FOXK1: variants seen among roughly 807,000 people sequenced by gnomAD.
The protein encoded by FOXK1 is forkhead box K1, also known as forkhead box protein K1.
FOXK1 carries 19 observed loss-of-function variants against 51.9 expected under a neutral mutation model. The ratio of observed to expected loss-of-function variants is 0.37; its 90% CI spans 0.26 to 0.54. The LOEUF is 0.54. Among genes scored for constraint, FOXK1 ranks in the 20% least tolerant of loss-of-function variants. The pLI is 0.87. For synonymous variants in FOXK1, 537 were observed against 482.6 expected (o/e 1.11, Z -1.48); for missense variants, 870 against 1,032.7 (o/e 0.84, Z 2.16).
Position 4,743,142 on chromosome 7 carries a change from C to T in FOXK1, c.746+2119C>T, listed in dbSNP as rs146145431. On this transcript the variant is annotated intron_variant, in intron 2 of 8. Transcript: ENST00000328914. This position sits in a 1 kb window ranked among gnomAD's most constrained non-coding sequence, Gnocchi z 5.3. ...AGAGCCTGGTGTGTGCCCGCCTGGC[C>T]CTGTGCTGAGCAGTGCACATGCAGT... 7.6e-4 allele frequency among the ~76,000 whole-genome samples: 115 copies of T among 152,296 alleles called. 1 individual carries two copies. The highest frequency in any genetic ancestry group is 3.4e-3 in the Middle Eastern group (1 of 294).
At position 4,770,896 on chromosome 7, in the gene FOXK1, TGTGTG is replaced by T. The variant is rs1562397682; in HGVS notation, c.*8433_*8437del. 7.3e-5 allele frequency: 11 copies of T among 151,058 alleles called. No individual in the cohort carries two copies. Among genetic ancestry groups the T allele is most frequent in the African/African-American group, 2.7e-4 (11 of 40,526 alleles). 9.4% of individuals were successfully genotyped at this position (151,058 alleles called of 1,614,324 possible). A position where few individuals can be genotyped will look rare whatever the true frequency, so the allele number is the denominator to read the frequency against. On this transcript the variant is annotated 3_prime_UTR_variant, in exon 9 of 9. Coordinates refer to ENST00000328914, the MANE Select transcript of FOXK1 (RefSeq NM_001037165.2). ...GTGTGTGTGTGTGTGTGTGTGTGTG[TGTGTG>T]TATTTTTTTTTTTACAGTGGCGCCT... is the stretch of plus-strand genomic sequence containing the variant.
chr7:4,746,505 C>A (rs922597236), intron 2 of FOXK1, among the ~76,000 whole-genome samples: 1 of 151,540 alleles, frequency 6.6e-6, no homozygotes, highest in African/African-American at 2.4e-5. Context: ...CATAGTGAGA[C>A]CCCCATCTCT....
intron 1 of FOXK1, among the ~76,000 whole-genome samples, chr7:4,721,389 G>A (rs58012005): frequency 0.075 from 11,440 of 152,000 alleles, 572 homozygotes; most frequent in African/African-American, 0.13. Flanking sequence ...CATTCCCTGC[G>A]ACCCCCAGCC....
intron 1 of FOXK1, among the ~76,000 whole-genome samples, chr7:4,714,046 G>A (rs1160767055): frequency 6.6e-6 from 1 of 152,032 alleles, no homozygotes; most frequent in African/African-American, 2.4e-5. Context: ...GGCTGGTCTT[G>A]AACTCCTGAC....
chr7:4,766,166 C>T lies in FOXK1; in HGVS notation c.*3702C>T, dbSNP rs892379130. 3 of 152,200 alleles carry T rather than the reference C, an allele frequency of 2.0e-5. No individual in the cohort carries two copies. Among genetic ancestry groups the T allele is most frequent in the African/African-American group, 4.8e-5 (2 of 41,440 alleles). The allele number at this position is 152,200 out of a possible 1,614,324, so 9.4% of individuals were successfully genotyped here. ...TGAGGGACCCAGATGGACCATCCCT[C>T]TTCTGCTTGCTTTCTACATTCCTAA... is the stretch of plus-strand genomic sequence containing the variant. On this transcript the variant is annotated 3_prime_UTR_variant, in exon 9 of 9. Transcript: ENST00000328914. The surrounding 1 kb of genome is among the most constrained non-coding windows in gnomAD (Gnocchi z 5.5).
chr7:4,711,032 C>T lies in FOXK1; in HGVS notation c.560+28164C>T, dbSNP rs781322452. On this transcript the variant is annotated intron_variant, in intron 1 of 8. Coordinates refer to ENST00000328914, the MANE Select transcript of FOXK1 (RefSeq NM_001037165.2). This position sits in a 1 kb window ranked among gnomAD's most constrained non-coding sequence, Gnocchi z 6.3. ...TGAGCTTCACGGAGTTGCAGAGCAG[C>T]CTGGCTTTAGAGAACGCTTAGAGAA... Among the ~76,000 whole-genome samples the T allele has an allele frequency of 9.9e-5, 15 of 152,176 alleles. No individual in the cohort carries two copies. The highest frequency in any genetic ancestry group is 2.1e-4 in the Non-Finnish European group (14 of 68,028).
chr7:4,719,123 T>G (rs1215448938), intron 1 of FOXK1, among the ~76,000 whole-genome samples: 1 of 139,610 alleles, frequency 7.2e-6, no homozygotes, highest in Non-Finnish European at 1.6e-5. Context: ...TTTTTTTGTT[T>G]TTTTTTTGTT....
Position 4,761,878 on chromosome 7 carries a change from G to T in FOXK1, c.1922-306G>T, listed in dbSNP as rs549014794. Among the ~76,000 whole-genome samples, 1 of 152,126 alleles carries T rather than the reference G, an allele frequency of 6.6e-6. No homozygotes were observed. Among genetic ancestry groups the T allele is most frequent in the African/African-American group, 2.4e-5 (1 of 41,476 alleles). Reference sequence around the variant, plus strand: ...TACCAGGGCACCGGGCGCATTGTCAGTGGGGTGGCTCAGGGCAGTGCATCT... The same window carrying T: ...TACCAGGGCACCGGGCGCATTGTCATTGGGGTGGCTCAGGGCAGTGCATCT... On this transcript the variant is annotated intron_variant, in intron 8 of 8. Transcript: ENST00000328914. The surrounding 1 kb of genome is among the most constrained non-coding windows in gnomAD (Gnocchi z 6.2).
At chr7:4,692,040 A>G (rs1375823572) in intron 1 of FOXK1, among the ~76,000 whole-genome samples, 1 of 152,172 alleles carries the variant, frequency 6.6e-6, no homozygotes, top group Non-Finnish European at 1.5e-5. Context: ...ATATCTGTTG[A>G]CACTGACCGT....
rs1396584175 is a variant in FOXK1 at position 4,709,514 on chromosome 7, G to A, written c.560+26646G>A. On this transcript the variant is annotated intron_variant, in intron 1 of 8. Coordinates refer to ENST00000328914, the MANE Select transcript of FOXK1 (RefSeq NM_001037165.2). The surrounding 1 kb of genome is among the most constrained non-coding windows in gnomAD (Gnocchi z 5.6). ...GGCCCGCGACCCCTGCTGGCAGATC[G>A]AGGCTGGCCCGTGACCGGGGCAGGC... is the stretch of plus-strand genomic sequence containing the variant. Among the ~76,000 whole-genome samples, 1 of 152,184 alleles carries A rather than the reference G, an allele frequency of 6.6e-6. No individual in the cohort carries two copies. The highest frequency in any genetic ancestry group is 1.5e-5 in the Non-Finnish European group (1 of 68,032).
chr7:4,717,485 G>A (rs201336036), intron 1 of FOXK1, among the ~76,000 whole-genome samples: 5 of 101,104 alleles, frequency 4.9e-5, no homozygotes, highest in South Asian at 5.7e-4. Flanking sequence ...TGGGAGGCAT[G>A]TGGCTGGGAG....
At chr7:4,736,330 C>G (rs1040935128) in intron 1 of FOXK1, among the ~76,000 whole-genome samples, 3 of 151,888 alleles carry the variant, frequency 2.0e-5, no homozygotes, top group African/African-American at 7.3e-5. Flanking sequence ...CATTAGATCC[C>G]TAGATCCCTG....
At chr7:4,740,686 G>A in intron 1 of FOXK1, 152 bp from the exon 2 acceptor site, 1 of 674,622 alleles carries the variant, frequency 1.5e-6, no homozygotes, top group East Asian at 3.0e-5. Context: ...GTTCCTAAGT[G>A]TCCTGATAAA....
intron 1 of FOXK1, among the ~76,000 whole-genome samples, chr7:4,694,039 C>T (rs1779923627): frequency 6.6e-6 from 1 of 151,738 alleles, no homozygotes; most frequent in Non-Finnish European, 1.5e-5. Context: ...ACTTCCATGC[C>T]TGGCTAATTT....
intron 1 of FOXK1, among the ~76,000 whole-genome samples, chr7:4,728,019 C>A (rs879052213): frequency 6.6e-6 from 1 of 152,134 alleles, no homozygotes; most frequent in Non-Finnish European, 1.5e-5. Context: ...TTCCAGGGGC[C>A]CTTCCCCAGC....
In FOXK1 at chr7:4,715,240, G is replaced by T. The variant is rs143454780; in HGVS notation, c.561-25598G>T. 4.6e-5 allele frequency among the ~76,000 whole-genome samples: 7 copies of T among 152,312 alleles called. No homozygotes were observed. Among genetic ancestry groups the T allele is most frequent in the Admixed American group, 2.0e-4 (3 of 15,292 alleles). On this transcript the variant is annotated intron_variant, in intron 1 of 8. Coordinates refer to ENST00000328914, the MANE Select transcript of FOXK1 (RefSeq NM_001037165.2). The surrounding 1 kb of genome is among the most constrained non-coding windows in gnomAD (Gnocchi z 4.5). ...GAACTGTGATGATATCGGGCATGGCGAAATTGTGATACGGTGCATGGTGTT... is the reference window on the plus strand; with the variant it reads ...GAACTGTGATGATATCGGGCATGGCTAAATTGTGATACGGTGCATGGTGTT...
rs775099211 is a variant in FOXK1 at position 4,704,834 on chromosome 7, C to CTTTTTTTTTTTTTTTTTTTTTTTTTTTTT, written c.560+21981_560+21982insTTTTTTTTTTTTTTTTTTTTTTTTTTTTT. On this transcript the variant is annotated intron_variant, in intron 1 of 8. Coordinates refer to ENST00000328914, the MANE Select transcript of FOXK1 (RefSeq NM_001037165.2). ...CTCCCAAACCAATCTATGTTTCATT[C>CTTTTTTTTTTTTTTTTTTTTTTTTTTTTT]TTTTTTTTTTTTTTTGAGAAAAAGT... is the stretch of plus-strand genomic sequence containing the variant. 3.0e-5 allele frequency among the ~76,000 whole-genome samples: 4 copies of CTTTTTTTTTTTTTTTTTTTTTTTTTTTTT among 131,406 alleles called. 1 individual carries two copies. Among genetic ancestry groups the CTTTTTTTTTTTTTTTTTTTTTTTTTTTTT allele is most frequent in the Middle Eastern group, 4.0e-3 (1 of 248 alleles). The allele number at this position is 131,406 out of a possible 152,430, so 86.2% of individuals were successfully genotyped here.
chr7:4,733,422 G>T lies in FOXK1; in HGVS notation c.561-7416G>T, dbSNP rs1162674227. On this transcript the variant is annotated intron_variant, in intron 1 of 8. Coordinates refer to ENST00000328914, the MANE Select transcript of FOXK1 (RefSeq NM_001037165.2). This position sits in a 1 kb window ranked among gnomAD's most constrained non-coding sequence, Gnocchi z 5.0. ...CTCCGTTATGCAGTGTGCCTTTATG[G>T]TCCACTGTGGCTGCTCGGCTCCTGC... 6.6e-6 allele frequency among the ~76,000 whole-genome samples: 1 copy of T among 152,140 alleles called. No individual in the cohort carries two copies. The highest frequency in any genetic ancestry group is 6.6e-5 in the Admixed American group (1 of 15,264).
intron 1 of FOXK1, among the ~76,000 whole-genome samples, chr7:4,717,862 C>T (rs553679695): frequency 2.2e-4 from 33 of 152,304 alleles, no homozygotes; most frequent in Middle Eastern, 6.8e-3. Flanking sequence ...GTGTTGCCCG[C>T]GTCTTTGGGC....
Sources: gnomAD v4.1 joint callset for allele counts (sites outside exome capture counted in the v4.1 genomes callset) on GRCh38, gnomAD v4.1.1 for gene constraint, Gnocchi (gnomAD v3.1) non-coding constraint, MANE v1.5 for transcripts, NCBI Gene and HGNC (gene_info 2026-07-23, HGNC 2026-07-21) for gene names.